The following PKNOX2 variants were observed in gnomAD, a reference collection of about 807,000 sequenced individuals.
PKNOX2 encodes homeobox protein PKNOX2.
In PKNOX2, 14 loss-of-function variants were observed where a neutral mutation model predicts 53.1. The observed-to-expected ratio is 0.26, with a 90% CI of 0.17 to 0.41. The LOEUF is 0.41. Among genes scored for constraint, PKNOX2 ranks in the 10% least tolerant of loss-of-function variants. The probability of loss-of-function intolerance (pLI) is 1.00; values close to 1 mark genes in which losing one functional copy is unlikely to be tolerated. For missense variants in PKNOX2, 496 were observed against 602.8 expected, an observed-to-expected ratio of 0.82 and a Z score of 1.85; for synonymous variants, 257 against 242.8, an observed-to-expected ratio of 1.06 and a Z score of -0.54.
chr11:125,231,106 C>A (rs1313058161), intron 1 of PKNOX2, among the ~76,000 whole-genome samples: 1 of 152,182 alleles, frequency 6.6e-6, no homozygotes, highest in Non-Finnish European at 1.5e-5. Flanking sequence ...GATTAAAGTT[C>A]CTTGTCCAAG....
At position 125,173,227 on chromosome 11, in the gene PKNOX2, C is replaced by A. The variant is rs76351578; in HGVS notation, c.-201+8451C>A. ...AAGCTCATGTTGAATAAATATTAGT[C>A]TTCTGTCCTAATAAAGCTCATTCTC... On this transcript the variant is annotated intron_variant, in intron 1 of 12. Coordinates refer to ENST00000298282, the MANE Select transcript of PKNOX2 (RefSeq NM_001382323.2). Among the ~76,000 whole-genome samples the A allele has an allele frequency of 7.0e-4, 107 of 152,320 alleles. 2 individuals carry two copies. The East Asian group carries it at 0.019, about 27-fold the overall frequency.
intron 2 of PKNOX2, among the ~76,000 whole-genome samples, chr11:125,300,227 T>C (rs1280309092): frequency 6.6e-6 from 1 of 152,226 alleles, no homozygotes; most frequent in Admixed American, 6.5e-5. Context: ...CAGACTTCTC[T>C]TTTTCTACCC....
intron 2 of PKNOX2, among the ~76,000 whole-genome samples, chr11:125,327,313 C>A (rs913044516): frequency 6.6e-6 from 1 of 152,198 alleles, no homozygotes; most frequent in Non-Finnish European, 1.5e-5. Context: ...CAGAGAGAGG[C>A]CTGTGGGAGC....
At chr11:125,415,325 A>G (rs542954929) in intron 10 of PKNOX2, among the ~76,000 whole-genome samples, 13 of 148,054 alleles carry the variant, frequency 8.8e-5, no homozygotes, top group African/African-American at 3.3e-4. Flanking sequence ...GCTCACTGCA[A>G]TCCCCACCTC....
intron 1 of PKNOX2, among the ~76,000 whole-genome samples, chr11:125,182,988 G>A (rs931142431): frequency 6.6e-6 from 1 of 152,198 alleles, no homozygotes; most frequent in African/African-American, 2.4e-5. Flanking sequence ...TTGCAAGAGG[G>A]ACCGTGGAGA....
chr11:125,305,381 A>G lies in PKNOX2; in HGVS notation c.-129-26438A>G, dbSNP rs911261974. Among the ~76,000 whole-genome samples the G allele has an allele frequency of 3.3e-5, 5 of 152,196 alleles. No individual in the cohort carries two copies. The South Asian group carries it at 1.0e-3, about 32-fold the overall frequency. ...CACTGACCTGCTTAGGGCTCTCAGC[A>G]AGACCACAAGTGGCTCTCTCAAAAG... On this transcript the variant is annotated intron_variant, in intron 2 of 12. Coordinates refer to ENST00000298282, the MANE Select transcript of PKNOX2 (RefSeq NM_001382323.2).
At chr11:125,320,785 G>T (rs753898079) in intron 2 of PKNOX2, among the ~76,000 whole-genome samples, 1 of 152,180 alleles carries the variant, frequency 6.6e-6, no homozygotes, top group Non-Finnish European at 1.5e-5. Flanking sequence ...GCCCTTAAGC[G>T]TGCTGCCTCC....
At position 125,320,227 on chromosome 11, in the gene PKNOX2, T is replaced by A. The variant is rs749648679; in HGVS notation, c.-129-11592T>A. 1.6e-4 allele frequency among the ~76,000 whole-genome samples: 25 copies of A among 152,302 alleles called. No individual in the cohort carries two copies. In the Middle Eastern group the frequency reaches 0.017, roughly 104 times the overall value. On this transcript the variant is annotated intron_variant, in intron 2 of 12. Transcript: ENST00000298282. ...CCCAGTATTCAGTCTAAAGTGGGAA[T>A]CTAGGAACCATAGAAATAAGCTATA...
chr11:125,172,017 A>C (rs1336284856), intron 1 of PKNOX2, among the ~76,000 whole-genome samples: 1 of 152,210 alleles, frequency 6.6e-6, no homozygotes, highest in Non-Finnish European at 1.5e-5. Flanking sequence ...GTCACAGGGC[A>C]GACTTCTGGG....
At chr11:125,318,706 A>T (rs1031661021) in intron 2 of PKNOX2, among the ~76,000 whole-genome samples, 16 of 152,302 alleles carry the variant, frequency 1.1e-4, no homozygotes, top group Admixed American at 8.5e-4. Flanking sequence ...TATCTCAATG[A>T]TATGGTTCGG....
chr11:125,365,180 C>T (rs1952124130), intron 4 of PKNOX2, among the ~76,000 whole-genome samples: 1 of 152,018 alleles, frequency 6.6e-6, no homozygotes, highest in African/African-American at 2.4e-5. Flanking sequence ...CCTATATATC[C>T]CACGTTCCTT....
intron 1 of PKNOX2, among the ~76,000 whole-genome samples, chr11:125,197,767 C>T (rs368814977): frequency 1.4e-3 from 207 of 152,300 alleles, no homozygotes; most frequent in African/African-American, 4.3e-3. Flanking sequence ...GTCCTGGCTA[C>T]GGCTGCCGGT....
chr11:125,288,033 A>G (rs544834761), intron 2 of PKNOX2: 2 of 152,376 alleles, frequency 1.3e-5, no homozygotes, highest in Non-Finnish European at 2.9e-5. Context: ...TGGGAACCAG[A>G]TGGGCAGGAC....
chr11:125,182,490 G>T (rs1338230077), intron 1 of PKNOX2, among the ~76,000 whole-genome samples: 3 of 152,166 alleles, frequency 2.0e-5, no homozygotes, highest in Non-Finnish European at 4.4e-5. Flanking sequence ...CTTAACTTGA[G>T]CCTCAGTGTC....
At chr11:125,319,281 C>T (rs1949382682) in intron 2 of PKNOX2, among the ~76,000 whole-genome samples, 7 of 152,058 alleles carry the variant, frequency 4.6e-5, no homozygotes, top group Admixed American at 4.6e-4. Flanking sequence ...AAAATAATTA[C>T]AATAATAACA....
chr11:125,226,288 C>T (rs1163952298), intron 1 of PKNOX2, among the ~76,000 whole-genome samples: 2 of 152,150 alleles, frequency 1.3e-5, no homozygotes, highest in African/African-American at 4.8e-5. Flanking sequence ...AGTATCTTCT[C>T]CACTGATTTT....
intron 5 of PKNOX2, among the ~76,000 whole-genome samples, chr11:125,372,425 G>T (rs1463205891): frequency 6.6e-6 from 1 of 152,216 alleles, no homozygotes; most frequent in Non-Finnish European, 1.5e-5. Context: ...TGGTGTTACT[G>T]ATACTTTTAG....
At chr11:125,269,720 G>C (rs1202832107) in intron 2 of PKNOX2, among the ~76,000 whole-genome samples, 2 of 152,198 alleles carry the variant, frequency 1.3e-5, no homozygotes, top group Non-Finnish European at 2.9e-5. Flanking sequence ...AATGGGGCAA[G>C]GGTGGTCCAG....
At chr11:125,282,251 C>T (rs906489104) in intron 2 of PKNOX2, among the ~76,000 whole-genome samples, 1 of 152,220 alleles carries the variant, frequency 6.6e-6, no homozygotes, top group African/African-American at 2.4e-5. Flanking sequence ...CATTTTTAGC[C>T]GCATGGCCTT....
Sources: allele counts gnomAD v4.1 joint callset (sites outside exome capture counted in the v4.1 genomes callset), GRCh38; gene constraint gnomAD v4.1.1; transcripts MANE v1.5; gene names NCBI Gene and HGNC (gene_info 2026-07-23, HGNC 2026-07-21).